The following OR4N2 variants were observed in gnomAD, a reference collection of about 807,000 sequenced individuals.
The protein encoded by OR4N2 is olfactory receptor 4N2.
For missense variants in OR4N2, 307 were observed against 377.6 expected (o/e 0.81, Z 1.55); for synonymous variants, 141 against 140.4 (o/e 1.00, Z -0.03).
chr14:19,813,041 C>T (rs1254117504), intron 1 of OR4N2, among the ~76,000 whole-genome samples: 1 of 152,150 alleles, frequency 6.6e-6, no homozygotes, highest in East Asian at 1.9e-4. Flanking sequence ...TAAAAAGTCT[C>T]CATTTTGAGG....
At chr14:19,811,384 C>A (rs1275241552) in intron 1 of OR4N2, among the ~76,000 whole-genome samples, 2 of 152,160 alleles carry the variant, frequency 1.3e-5, no homozygotes, top group Non-Finnish European at 2.9e-5. Flanking sequence ...ATAGCTGATA[C>A]TACAGGCGCC....
chr14:19,810,476 T>C (rs1405937162), intron 1 of OR4N2, among the ~76,000 whole-genome samples: 1 of 152,256 alleles, frequency 6.6e-6, no homozygotes, highest in Non-Finnish European at 1.5e-5. Flanking sequence ...AACCTAGCAA[T>C]CTCATTATTG....
intron 1 of OR4N2, among the ~76,000 whole-genome samples, chr14:19,816,821 G>T (rs1266617727): frequency 6.6e-5 from 10 of 152,252 alleles, no homozygotes; most frequent in African/African-American, 2.4e-4. Context: ...GTATGATATT[G>T]GCTGTGGGTG....
At chr14:19,825,961 A>T (rs1242228385) in intron 1 of OR4N2, among the ~76,000 whole-genome samples, 10 of 152,254 alleles carry the variant, frequency 6.6e-5, no homozygotes, top group Admixed American at 2.6e-4. Flanking sequence ...TAATTTTCAA[A>T]CTTAAAAAAT....
intron 1 of OR4N2, among the ~76,000 whole-genome samples, chr14:19,819,465 G>A (rs796154886): frequency 6.6e-5 from 10 of 152,246 alleles, no homozygotes; most frequent in Middle Eastern, 3.4e-3. Context: ...CCTTTCTTCC[G>A]CTCCATCGAT....
chr14:19,813,479 G>A (rs1879350815), intron 1 of OR4N2, among the ~76,000 whole-genome samples: 2 of 152,272 alleles, frequency 1.3e-5, no homozygotes. Flanking sequence ...GGGCTTCTCA[G>A]CCAGAGAGGA....
chr14:19,826,818 CA>C (rs1879711405), intron 1 of OR4N2, among the ~76,000 whole-genome samples: 1 of 152,134 alleles, frequency 6.6e-6, no homozygotes, highest in Non-Finnish European at 1.5e-5. Flanking sequence ...TGTGTTAGGT[CA>C]AAAGTGGAGC....
chr14:19,803,890 A>T (rs1352621502), intron 1 of OR4N2, 46 bp downstream of exon 1: 1 of 152,214 alleles, frequency 6.6e-6, no homozygotes, highest in Non-Finnish European at 1.5e-5. Context: ...ACTTGTTATT[A>T]GTCTGTTCAG....
chr14:19,809,921 A>C (rs1268274677), intron 1 of OR4N2, among the ~76,000 whole-genome samples: 1 of 152,262 alleles, frequency 6.6e-6, no homozygotes. Flanking sequence ...AGGAAATTCC[A>C]TTCTCAAATA....
chr14:19,817,584 C>A (rs1219031318), intron 1 of OR4N2, among the ~76,000 whole-genome samples: 1 of 152,138 alleles, frequency 6.6e-6, no homozygotes, highest in East Asian at 1.9e-4. Context: ...TCTTTCTTTT[C>A]TTCATTAGTC....
chr14:19,824,246 T>G (rs1291497308), intron 1 of OR4N2, among the ~76,000 whole-genome samples: 8 of 152,256 alleles, frequency 5.3e-5, no homozygotes, highest in Non-Finnish European at 8.8e-5. Flanking sequence ...CTCATCTGAT[T>G]AGACTCTGCG....
chr14:19,829,018 A>G lies in OR4N2; in HGVS notation c.*646A>G, dbSNP rs1236945181. The G allele has an allele frequency of 6.5e-6, 1 of 153,084 alleles. No individual in the cohort carries two copies. Among genetic ancestry groups the G allele is most frequent in the Non-Finnish European group, 1.5e-5 (1 of 68,666 alleles). 9.5% of individuals were successfully genotyped at this position (153,084 alleles called of 1,614,324 possible). ...CTTTAAGCAAAAGAGTGATTCCTCTACTGAAGGGTCATAAACAACTTAGCA... is the reference window on the plus strand; with the variant it reads ...CTTTAAGCAAAAGAGTGATTCCTCTGCTGAAGGGTCATAAACAACTTAGCA... On this transcript the variant is annotated 3_prime_UTR_variant, in exon 2 of 2. Transcript: ENST00000557677.
In OR4N2 at chr14:19,827,737, T is replaced by C. The variant is rs142158282; in HGVS notation, c.289T>C (p.Cys97Arg). ...SAKKIISYRG[C>R]ITQLFFLHFL... ...GAAGAAGATAATCTCCTACAGAGGC[T>C]GCATCACTCAGCTCTTTTTCTTGCA... Residue 97 changes from cysteine (C) to arginine (R), a missense_variant, in exon 2 of 2, where the codon TGC (cysteine) becomes CGC (arginine). Coordinates refer to ENST00000557677, the MANE Select transcript of OR4N2 (RefSeq NM_001004723.3). 1 of 1,614,272 alleles carries C rather than the reference T, an allele frequency of 6.2e-7. No homozygotes were observed. Among genetic ancestry groups the C allele is most frequent in the Admixed American group, 1.7e-5 (1 of 60,028 alleles).
At chr14:19,807,522 T>C (rs545001895) in intron 1 of OR4N2, among the ~76,000 whole-genome samples, 2 of 152,064 alleles carry the variant, frequency 1.3e-5, no homozygotes, top group African/African-American at 2.4e-5. Context: ...TCTCCCAAGA[T>C]TGAATCCCTG....
intron 1 of OR4N2, among the ~76,000 whole-genome samples, chr14:19,804,329 T>C (rs1433607998): frequency 2.0e-5 from 3 of 152,266 alleles, no homozygotes; most frequent in East Asian, 3.9e-4. Context: ...TCTGATGTAG[T>C]TTTTTCTTTA....
At position 19,827,468 on chromosome 14, in the gene OR4N2, C is replaced by G. The variant is rs72663752; in HGVS notation, c.20C>G (p.Thr7Arg). Residue 7 changes from threonine (T) to arginine (R), a missense_variant, in exon 2 of 2, where the codon ACA (threonine) becomes AGA (arginine). Physicochemically the swap from Thr to Arg is moderately conservative, Grantham distance 71. Coordinates refer to ENST00000557677, the MANE Select transcript of OR4N2 (RefSeq NM_001004723.3). MESENR[T>R]VIREFILLGL... is the part of the protein sequence containing the mutation. ...AGGGAAATGGAAAGCGAGAACAGAA[C>G]AGTGATAAGAGAATTCATCCTCCTT... 0.1 allele frequency: 163,920 copies of G among 1,561,532 alleles called. 3,319 individuals carry two copies. The highest frequency in any genetic ancestry group is 0.12 in the East Asian group (5,329 of 44,150).
intron 1 of OR4N2, among the ~76,000 whole-genome samples, chr14:19,804,325 G>A (rs1431257342): frequency 1.3e-5 from 2 of 151,910 alleles, no homozygotes; most frequent in African/African-American, 4.8e-5. Flanking sequence ...ATCTTCTGAT[G>A]TAGTTTTTTC....
At chr14:19,821,176 G>T (rs1879556244) in intron 1 of OR4N2, among the ~76,000 whole-genome samples, 1 of 152,252 alleles carries the variant, frequency 6.6e-6, no homozygotes, top group Admixed American at 6.5e-5. Context: ...TCCCTTGGCT[G>T]GGGAGGGAGT....
intron 1 of OR4N2, among the ~76,000 whole-genome samples, chr14:19,823,219 T>C (rs1879609414): frequency 6.6e-6 from 1 of 152,264 alleles, no homozygotes; most frequent in Non-Finnish European, 1.5e-5. Context: ...AGTGAGCTAT[T>C]ACTACTAATA....
Sources: allele counts gnomAD v4.1 joint callset (sites outside exome capture counted in the v4.1 genomes callset), GRCh38; gene constraint gnomAD v4.1.1; transcripts MANE v1.5; gene names NCBI Gene and HGNC (gene_info 2026-07-23, HGNC 2026-07-21).